Variants in GRK4 observed in about 807,000 individuals in gnomAD.
GRK4 encodes the protein G protein-coupled receptor kinase 2-like.
Under a neutral mutation model 77.9 loss-of-function variants are expected in GRK4, and 73 were observed. That is an observed-to-expected ratio of 0.94 (90% CI 0.78 to 1.14). The LOEUF (loss-of-function observed/expected upper bound fraction) is 1.14. GRK4 is among the 50% of genes most tolerant of loss of function. The probability of loss-of-function intolerance (pLI) is 0.00; values close to 1 mark genes in which losing one functional copy is unlikely to be tolerated. For missense variants in GRK4, 729 were observed against 700.2 expected (o/e 1.04, Z -0.46); for synonymous variants, 257 against 254.4 (o/e 1.01, Z -0.10).
In GRK4 at chr4:3,029,113, G is replaced by A. The variant is rs1330450634; in HGVS notation, c.1061-88G>A. The A allele has an allele frequency of 3.7e-5, 37 of 1,007,988 alleles. No homozygotes were observed. The East Asian group carries it at 8.0e-4, about 22-fold the overall frequency. 62.4% of individuals were successfully genotyped at this position (1,007,988 alleles called of 1,614,324 possible). A position where few individuals can be genotyped will look rare whatever the true frequency, so the allele number is the denominator to read the frequency against. ...AAGGTTCGTCCATGTTGTCACACACGTTGAATGTATACTGTGTTACTGGGA... is the reference window on the plus strand; with the variant it reads ...AAGGTTCGTCCATGTTGTCACACACATTGAATGTATACTGTGTTACTGGGA... On this transcript the variant is annotated intron_variant, in intron 11 of 15. Transcript: ENST00000398052.
At chr4:2,980,495 A>T (rs1460836993) in intron 1 of GRK4, among the ~76,000 whole-genome samples, 1 of 151,486 alleles carries the variant, frequency 6.6e-6, no homozygotes, top group Non-Finnish European at 1.5e-5. Flanking sequence ...TAATCTCCAC[A>T]ACAAGCCTAC....
At chr4:2,989,119 T>G (rs1310938948) in intron 3 of GRK4, among the ~76,000 whole-genome samples, 1 of 151,820 alleles carries the variant, frequency 6.6e-6, no homozygotes, top group Non-Finnish European at 1.5e-5. Context: ...AGGCGGAGGT[T>G]GCAGTGAGCC....
At chr4:3,001,085 A>ATGTGTGTGTG (rs1729429561) in intron 4 of GRK4, among the ~76,000 whole-genome samples, 1 of 83,768 alleles carries the variant, frequency 1.2e-5, no homozygotes, top group Non-Finnish European at 2.6e-5. Context: ...ATATATATAT[A>ATGTGTGTGTG]TATATGTGTG....
At chr4:3,034,522 G>T (rs1740063655) in intron 12 of GRK4, among the ~76,000 whole-genome samples, 1 of 152,162 alleles carries the variant, frequency 6.6e-6, no homozygotes, top group South Asian at 2.1e-4. Flanking sequence ...CGTTTCAGGG[G>T]TCCAGGTCTT....
At chr4:3,034,570 A>G (rs1172893572) in intron 12 of GRK4, among the ~76,000 whole-genome samples, 1 of 152,016 alleles carries the variant, frequency 6.6e-6, no homozygotes, top group Non-Finnish European at 1.5e-5. Flanking sequence ...GCTTTTTCTG[A>G]TTGATGAGAA....
chr4:2,996,145 G>A (rs73792116), intron 4 of GRK4, among the ~76,000 whole-genome samples: 1 of 152,194 alleles, frequency 6.6e-6, no homozygotes, highest in East Asian at 1.9e-4. Flanking sequence ...TGGTGGAAGT[G>A]GAAAGAGAGG....
chr4:2,998,143 G>A (rs1728498454), intron 4 of GRK4, among the ~76,000 whole-genome samples: 1 of 152,150 alleles, frequency 6.6e-6, no homozygotes, highest in African/African-American at 2.4e-5. Context: ...GATCACCTGA[G>A]GTCAGGAGTT....
rs753292642 is a variant in GRK4, at chr4:2,964,157, C to A, written c.52+35C>A. On this transcript the variant is annotated intron_variant, in intron 1 of 15. Transcript: ENST00000398052. ...CGGCAGGCGCCCCCGACCCCCCCCCCAGAGAACCCCGAATCCCGGGGAACC... is the reference window on the plus strand; with the variant it reads ...CGGCAGGCGCCCCCGACCCCCCCCCAAGAGAACCCCGAATCCCGGGGAACC... The A allele has an allele frequency of 1.6e-5, 25 of 1,523,136 alleles. No individual in the cohort carries two copies. The East Asian group carries it at 2.1e-4, about 13-fold the overall frequency. The allele number at this position is 1,523,136 out of a possible 1,614,324, so 94.4% of individuals were successfully genotyped here.
At chr4:3,002,849 A>G (rs1435315348) in intron 4 of GRK4, among the ~76,000 whole-genome samples, 7 of 151,832 alleles carry the variant, frequency 4.6e-5, no homozygotes, top group Non-Finnish European at 7.4e-5. Context: ...CTGAACATAT[A>G]TTTTTCCCAT....
intron 2 of GRK4, 92 bp downstream of exon 2, chr4:2,984,700 T>C (rs550026939): frequency 3.5e-6 from 2 of 573,804 alleles, no homozygotes; most frequent in African/African-American, 3.9e-5. Context: ...CATGTTTGTT[T>C]CAAACATTTT....
At chr4:3,024,289 C>T (rs1031968438) in intron 10 of GRK4, among the ~76,000 whole-genome samples, 27 of 152,156 alleles carry the variant, frequency 1.8e-4, no homozygotes, top group Non-Finnish European at 3.5e-4. Context: ...TCTCTCTATG[C>T]TACCCAGGCT....
chr4:2,983,850 A>G (rs1046122429), intron 1 of GRK4, among the ~76,000 whole-genome samples: 1 of 152,180 alleles, frequency 6.6e-6, no homozygotes, highest in African/African-American at 2.4e-5. Context: ...ACTTACAATC[A>G]TGGTGAAAAG....
chr4:2,975,369 C>T (rs956731147), intron 1 of GRK4, among the ~76,000 whole-genome samples: 6 of 152,146 alleles, frequency 3.9e-5, no homozygotes, highest in Non-Finnish European at 5.9e-5. Flanking sequence ...CTCAGGATTC[C>T]GCAGCCTACA....
intron 3 of GRK4, 141 bp downstream of exon 3, chr4:2,988,980 C>T (rs1384759727): frequency 5.1e-6 from 3 of 587,158 alleles, no homozygotes; most frequent in Middle Eastern, 2.7e-4. Context: ...GTCAGGAGAT[C>T]GAGACCATCC....
intron 10 of GRK4, among the ~76,000 whole-genome samples, chr4:3,024,194 C>T (rs1203018764): frequency 3.3e-5 from 5 of 152,150 alleles, no homozygotes; most frequent in Admixed American, 3.3e-4. Context: ...TGGGCCAGTT[C>T]CCTGTCTCTT....
At chr4:3,015,669 C>T (rs1281941438) in intron 8 of GRK4, among the ~76,000 whole-genome samples, 2 of 137,720 alleles carry the variant, frequency 1.5e-5, no homozygotes, top group African/African-American at 5.6e-5. Context: ...AGCAAGACTC[C>T]ATCTCAAAAA....
At chr4:3,018,051 A>ATTTTCT (rs142601837) in intron 8 of GRK4, among the ~76,000 whole-genome samples, 4 of 149,968 alleles carry the variant, frequency 2.7e-5, no homozygotes, top group Non-Finnish European at 5.9e-5. Context: ...AGCCCTCATC[A>ATTTTCT]TTTTCTTTTT....
At chr4:3,025,635 G>T (rs1376230131) in intron 10 of GRK4, among the ~76,000 whole-genome samples, 3 of 151,556 alleles carry the variant, frequency 2.0e-5, no homozygotes, top group Non-Finnish European at 2.9e-5. Context: ...CTTGTGATCC[G>T]CCCGCCTCGG....
intron 15 of GRK4, 132 bp from the exon 16 acceptor site, chr4:3,040,440 C>CAAAA: frequency 1.5e-6 from 1 of 646,900 alleles, no homozygotes; most frequent in East Asian, 2.9e-5. Context: ...GACTATGTCT[C>CAAAA]AAAAAATAAA....
Sources: gnomAD v4.1 joint callset for allele counts (sites outside exome capture counted in the v4.1 genomes callset) on GRCh38, gnomAD v4.1.1 for gene constraint, MANE v1.5 for transcripts, NCBI Gene and HGNC (gene_info 2026-07-23, HGNC 2026-07-21) for gene names.